The following CRISPLD2 variants were observed in gnomAD, a reference collection of about 807,000 sequenced individuals.
CRISPLD2 encodes the protein cysteine-rich secretory protein LCCL domain-containing 2.
In CRISPLD2, 47 loss-of-function variants were observed where a neutral mutation model predicts 71.1. The ratio of observed to expected loss-of-function variants is 0.66; its 90% CI spans 0.52 to 0.84. The LOEUF is 0.84. CRISPLD2 is among the 40% of genes least tolerant of loss of function. The pLI is 0.00. For synonymous variants in CRISPLD2, 317 were observed against 250.1 expected, an observed-to-expected ratio of 1.27 and a Z score of -2.52; for missense variants, 830 against 651.1, an observed-to-expected ratio of 1.27 and a Z score of -2.99.
chr16:84,904,582 T>TC (rs1227849309), intron 14 of CRISPLD2, among the ~76,000 whole-genome samples: 1 of 143,356 alleles, frequency 7.0e-6, no homozygotes, highest in Non-Finnish European at 1.5e-5. Flanking sequence ...AGACTCGGTC[T>TC]CAAAAAAAGG....
intron 2 of CRISPLD2, among the ~76,000 whole-genome samples, chr16:84,842,782 G>T (rs772087693): frequency 3.3e-5 from 5 of 152,160 alleles, no homozygotes; most frequent in African/African-American, 1.2e-4. Context: ...CCATGGGAAC[G>T]TTGAGACCCA....
intron 8 of CRISPLD2, among the ~76,000 whole-genome samples, chr16:84,871,615 G>A (rs774564148): frequency 7.9e-5 from 12 of 151,564 alleles, no homozygotes; most frequent in Non-Finnish European, 1.2e-4. Context: ...GCAGTGGCAC[G>A]ATCTTTGCTC....
intron 1 of CRISPLD2, among the ~76,000 whole-genome samples, chr16:84,823,737 G>A (rs930938363): frequency 6.6e-6 from 1 of 152,172 alleles, no homozygotes; most frequent in South Asian, 2.1e-4. Flanking sequence ...CTTGAGTGCT[G>A]CATCAGCTAA....
rs576850766 is a variant in CRISPLD2, at chr16:84,873,207, C to A, written c.1112+85C>A. ...GAAATTTTGAAAAATACCACACAGG[C>A]CGGGCGTGGTGGCTCACACCTGCAC... On this transcript the variant is annotated intron_variant, in intron 10 of 14. Transcript: ENST00000262424. 2.7e-6 allele frequency: 4 copies of A among 1,506,420 alleles called. No individual in the cohort carries two copies. In the South Asian group the frequency reaches 5.1e-5, roughly 19 times the overall value. 93.3% of individuals were successfully genotyped at this position (1,506,420 alleles called of 1,614,324 possible).
chr16:84,904,581 C>A (rs2071784509), intron 14 of CRISPLD2, among the ~76,000 whole-genome samples: 1 of 146,434 alleles, frequency 6.8e-6, no homozygotes, highest in South Asian at 2.1e-4. Context: ...GAGACTCGGT[C>A]TCAAAAAAAG....
chr16:84,892,294 T>G (rs2071669613), intron 14 of CRISPLD2, among the ~76,000 whole-genome samples: 1 of 152,210 alleles, frequency 6.6e-6, no homozygotes, highest in Admixed American at 6.5e-5. Context: ...GAGCAGGTCC[T>G]CGGGGGCATC....
rs1010591356 is a variant in CRISPLD2 at position 84,907,983 on chromosome 16, C to G, written c.*1341C>G. 1 of 152,200 alleles carries G rather than the reference C, an allele frequency of 6.6e-6. No homozygotes were observed. Among genetic ancestry groups the G allele is most frequent in the Non-Finnish European group, 1.5e-5 (1 of 68,046 alleles). The allele number at this position is 152,200 out of a possible 1,614,324, so 9.4% of individuals were successfully genotyped here. ...TTTTGCAGAAGGTGAAAATTCCACT[C>G]TCTACCACCGGGCCAGCCAATAGAT... On this transcript the variant is annotated 3_prime_UTR_variant, in exon 15 of 15. Coordinates refer to ENST00000262424, the MANE Select transcript of CRISPLD2 (RefSeq NM_031476.4).
intron 3 of CRISPLD2, 134 bp from the exon 4 acceptor site, chr16:84,849,251 C>A (rs1297600509): frequency 9.2e-6 from 8 of 874,234 alleles, no homozygotes; most frequent in Non-Finnish European, 1.4e-5. Context: ...CCCGGCTGCC[C>A]GTGGCTGCTC....
chr16:84,845,596 G>C (rs919866953), intron 2 of CRISPLD2, among the ~76,000 whole-genome samples, 190 bp from the exon 3 acceptor site: 3 of 152,264 alleles, frequency 2.0e-5, no homozygotes, highest in African/African-American at 7.2e-5. Context: ...CAGGAGGCCT[G>C]AGGATAGGCT....
rs181374054 is a variant in CRISPLD2, at chr16:84,891,030, G to A, written c.1439+1667G>A. ...GATCTGCCTGGCTTGGCCTCCCAAA[G>A]TGCTGGGATCACAGGTGTGAGCCAC... On this transcript the variant is annotated intron_variant, in intron 14 of 14. Coordinates refer to ENST00000262424, the MANE Select transcript of CRISPLD2 (RefSeq NM_031476.4). Among the ~76,000 whole-genome samples, 159 of 152,248 alleles carry A rather than the reference G, an allele frequency of 1.0e-3. 1 individual carries two copies. The highest frequency in any genetic ancestry group is 3.7e-3 in the African/African-American group (154 of 41,530).
chr16:84,871,401 T>C (rs2071467993), intron 8 of CRISPLD2, among the ~76,000 whole-genome samples: 1 of 152,058 alleles, frequency 6.6e-6, no homozygotes, highest in East Asian at 1.9e-4. Flanking sequence ...TAGTTGGGTG[T>C]GGTTGTGCAC....
intron 6 of CRISPLD2, among the ~76,000 whole-genome samples, chr16:84,863,366 C>G (rs1185612080): frequency 6.6e-6 from 1 of 152,212 alleles, no homozygotes; most frequent in Non-Finnish European, 1.5e-5. Flanking sequence ...CGCAGCAAGT[C>G]TCCTCTGAAG....
chr16:84,886,120 C>A (rs2071610905), intron 13 of CRISPLD2, among the ~76,000 whole-genome samples: 1 of 152,092 alleles, frequency 6.6e-6, no homozygotes, highest in African/African-American at 2.4e-5. Flanking sequence ...AAACTCCTGT[C>A]CTCAGGTGAT....
In CRISPLD2 at chr16:84,907,979, C is replaced by T. The variant is rs538290558; in HGVS notation, c.*1337C>T. The T allele has an allele frequency of 1.3e-5, 2 of 152,252 alleles. No individual in the cohort carries two copies. Among genetic ancestry groups the T allele is most frequent in the African/African-American group, 2.4e-5 (1 of 41,550 alleles). 9.4% of individuals were successfully genotyped at this position (152,252 alleles called of 1,614,324 possible). A position where few individuals can be genotyped will look rare whatever the true frequency, so the allele number is the denominator to read the frequency against. On this transcript the variant is annotated 3_prime_UTR_variant, in exon 15 of 15. Transcript: ENST00000262424. The stretch of plus-strand genomic sequence containing the variant: ...ATTTTTTTGCAGAAGGTGAAAATTC[C>T]ACTCTCTACCACCGGGCCAGCCAAT...
intron 4 of CRISPLD2, 47 bp downstream of exon 4, chr16:84,849,564 G>C: frequency 6.3e-7 from 1 of 1,589,048 alleles, no homozygotes; most frequent in Non-Finnish European, 8.6e-7. Context: ...CCCAATCCCA[G>C]TCATTCACCC....
At chr16:84,873,887 AT>A (rs776056077) in intron 10 of CRISPLD2, 32 bp from the exon 11 acceptor site, 1 of 1,522,294 alleles carries the variant, frequency 6.6e-7, no homozygotes, top group Non-Finnish European at 8.8e-7. Context: ...CATTTACCTA[AT>A]GCCCGTTTTT....
intron 14 of CRISPLD2, among the ~76,000 whole-genome samples, chr16:84,890,378 A>C (rs2071651080): frequency 6.6e-6 from 1 of 151,226 alleles, no homozygotes; most frequent in African/African-American, 2.4e-5. Flanking sequence ...AAGAAGTGGC[A>C]GTAAGAAGCA....
At chr16:84,893,116 A>G (rs1374617995) in intron 14 of CRISPLD2, among the ~76,000 whole-genome samples, 2 of 151,956 alleles carry the variant, frequency 1.3e-5, no homozygotes, top group Non-Finnish European at 2.9e-5. Flanking sequence ...CAACAGGGTG[A>G]TGGCCGGGAC....
intron 1 of CRISPLD2, among the ~76,000 whole-genome samples, chr16:84,823,859 C>T (rs139853236): frequency 1.1e-4 from 16 of 152,272 alleles, no homozygotes; most frequent in African/African-American, 3.6e-4. Flanking sequence ...TTTTCAATCC[C>T]AATTTCTGGA....
Sources: gnomAD v4.1 joint callset for allele counts (sites outside exome capture counted in the v4.1 genomes callset) on GRCh38, gnomAD v4.1.1 for gene constraint, MANE v1.5 for transcripts, NCBI Gene and HGNC (gene_info 2026-07-23, HGNC 2026-07-21) for gene names.